The following CDH4 variants were observed in gnomAD, a reference collection of about 807,000 sequenced individuals.
The protein encoded by CDH4 is cadherin 4.
A neutral mutation model predicts 86.0 loss-of-function variants in CDH4; 33 were observed. That is an observed-to-expected ratio of 0.38 (90% CI 0.29 to 0.51). The LOEUF (loss-of-function observed/expected upper bound fraction) is 0.51, where lower values mean the gene tolerates loss of function less well. Among genes scored for constraint, CDH4 ranks in the 20% least tolerant of loss-of-function variants. The pLI, the probability that CDH4 is intolerant of heterozygous loss-of-function variation, is 0.86. For missense variants in CDH4, 1,114 were observed against 1,307.4 expected, an observed-to-expected ratio of 0.85 and a Z score of 2.28; for synonymous variants, 555 against 549.4, an observed-to-expected ratio of 1.01 and a Z score of -0.14.
chr20:61,347,218 C>T (rs1242889887), intron 2 of CDH4, among the ~76,000 whole-genome samples: 1 of 152,210 alleles, frequency 6.6e-6, no homozygotes, highest in Non-Finnish European at 1.5e-5. Context: ...AGGCCCTGCC[C>T]GCATTCAGAA....
chr20:61,860,040 G>T (rs546204587), intron 6 of CDH4, among the ~76,000 whole-genome samples: 2 of 152,392 alleles, frequency 1.3e-5, no homozygotes, highest in East Asian at 3.9e-4. Flanking sequence ...CAAGGACAGT[G>T]CCTGCCTCAT....
intron 7 of CDH4, among the ~76,000 whole-genome samples, chr20:61,886,916 G>A (rs908582170): frequency 6.6e-6 from 1 of 152,140 alleles, no homozygotes; most frequent in Non-Finnish European, 1.5e-5. Flanking sequence ...CCCCTTGCCC[G>A]CCTCACAGGA....
chr20:61,493,550 A>C lies in CDH4; in HGVS notation c.169+238613A>C, dbSNP rs372458444. Among the ~76,000 whole-genome samples the C allele has an allele frequency of 1.1e-4, 17 of 152,348 alleles. No individual in the cohort carries two copies. In the East Asian group the frequency reaches 1.2e-3, roughly 10 times the overall value. ...GCCATTCCGGCTCTTCTCCTTCACA[A>C]TGGCTGGTGGCTGCCAGTGAGATAA... On this transcript the variant is annotated intron_variant, in intron 2 of 15. Coordinates refer to ENST00000614565, the MANE Select transcript of CDH4 (RefSeq NM_001794.5).
intron 4 of CDH4, among the ~76,000 whole-genome samples, chr20:61,801,472 A>G (rs1332759989): frequency 6.6e-6 from 1 of 151,982 alleles, no homozygotes; most frequent in Non-Finnish European, 1.5e-5. Context: ...TTCAGTGGTC[A>G]CTCCCTGTCT....
intron 2 of CDH4, among the ~76,000 whole-genome samples, chr20:61,640,533 T>C (rs190618498): frequency 6.6e-6 from 1 of 152,160 alleles, no homozygotes; most frequent in Non-Finnish European, 1.5e-5. Context: ...GGGGAGGAGC[T>C]ATTGTCATGT....
rs1047918576 is a variant in CDH4, at chr20:61,392,801, G to GC, written c.169+137870dup. On this transcript the variant is annotated intron_variant, in intron 2 of 15. Coordinates refer to ENST00000614565, the MANE Select transcript of CDH4 (RefSeq NM_001794.5). This position sits in a 1 kb window ranked among gnomAD's most constrained non-coding sequence, Gnocchi z 5.7. ...ATTTCCTAGCGGGGTAGAAACACTG[G>GC]CCCCCCACGGTGCTCTAGAAATGTC... 1.3e-5 allele frequency among the ~76,000 whole-genome samples: 2 copies of GC among 152,070 alleles called. No individual in the cohort carries two copies. The highest frequency in any genetic ancestry group is 2.9e-5 in the Non-Finnish European group (2 of 68,008).
intron 2 of CDH4, among the ~76,000 whole-genome samples, chr20:61,706,547 A>T (rs2087832480): frequency 6.6e-6 from 1 of 152,178 alleles, no homozygotes; most frequent in Non-Finnish European, 1.5e-5. Flanking sequence ...GGAAGAACGG[A>T]TGGAAAGGCC....
chr20:61,794,515 C>T (rs565960418), intron 4 of CDH4, among the ~76,000 whole-genome samples: 1 of 152,302 alleles, frequency 6.6e-6, no homozygotes, highest in South Asian at 2.1e-4. Context: ...AAGTGGGTAG[C>T]AAAGGTGGCT....
At chr20:61,765,796 G>T (rs552714145) in intron 3 of CDH4, among the ~76,000 whole-genome samples, 1 of 152,068 alleles carries the variant, frequency 6.6e-6, no homozygotes, top group Admixed American at 6.5e-5. Context: ...GGGGGCAAGG[G>T]GACTGGCAGG....
At chr20:61,767,578 G>A (rs1219693893) in intron 3 of CDH4, among the ~76,000 whole-genome samples, 1 of 152,196 alleles carries the variant, frequency 6.6e-6, no homozygotes, top group African/African-American at 2.4e-5. Context: ...CACCTGGCGG[G>A]TGAGCTAAAA....
chr20:61,524,635 C>A (rs1309054095), intron 2 of CDH4, among the ~76,000 whole-genome samples: 11 of 152,098 alleles, frequency 7.2e-5, no homozygotes, highest in African/African-American at 2.4e-4. Flanking sequence ...CAGGCACATG[C>A]CACCAAGCCC....
intron 2 of CDH4, among the ~76,000 whole-genome samples, chr20:61,594,860 T>C (rs1040617164): frequency 2.6e-5 from 4 of 152,238 alleles, no homozygotes; most frequent in African/African-American, 9.6e-5. Context: ...ATGACATCAA[T>C]AGCTGATATT....
intron 4 of CDH4, among the ~76,000 whole-genome samples, chr20:61,792,987 G>GGC (rs1979290549): frequency 6.6e-6 from 1 of 151,154 alleles, no homozygotes; most frequent in African/African-American, 2.4e-5. Context: ...TTTTGAGACA[G>GGC]AGTTTCACTC....
intron 8 of CDH4, among the ~76,000 whole-genome samples, chr20:61,903,834 C>T (rs1356170309): frequency 6.6e-6 from 1 of 152,182 alleles, no homozygotes; most frequent in Admixed American, 6.5e-5. Flanking sequence ...ATATAATCCC[C>T]TCTGCCTCCT....
At chr20:61,835,999 C>T (rs566056932) in intron 4 of CDH4, among the ~76,000 whole-genome samples, 1 of 152,228 alleles carries the variant, frequency 6.6e-6, no homozygotes, top group African/African-American at 2.4e-5. Context: ...AGGGGAAGGC[C>T]GGCCGGTTGG....
In CDH4 at chr20:61,414,053, C is replaced by T. The variant is rs114641037; in HGVS notation, c.169+159116C>T. Among the ~76,000 whole-genome samples, 767 of 152,340 alleles carry T rather than the reference C, an allele frequency of 5.0e-3. 8 individuals are homozygous for T. Among genetic ancestry groups the T allele is most frequent in the African/African-American group, 0.017 (688 of 41,580 alleles). On this transcript the variant is annotated intron_variant, in intron 2 of 15. Coordinates refer to ENST00000614565, the MANE Select transcript of CDH4 (RefSeq NM_001794.5). Reference sequence around the variant, plus strand: ...TCTGTGTGTGTCACTGTCCAAATTTCCTCTCCTTAAGAGGACATCAGTCCC... The same window carrying T: ...TCTGTGTGTGTCACTGTCCAAATTTTCTCTCCTTAAGAGGACATCAGTCCC...
In CDH4 at chr20:61,934,208, C is replaced by CTTCATCAATGAGGTG; in HGVS notation, c.2534_2544+4dup. 1 of 1,565,326 alleles carries CTTCATCAATGAGGTG rather than the reference C, an allele frequency of 6.4e-7. No homozygotes were observed. Among genetic ancestry groups the CTTCATCAATGAGGTG allele is most frequent in the Non-Finnish European group, 8.7e-7 (1 of 1,151,036 alleles). The stretch of plus-strand genomic sequence containing the variant: ...TGCCGCACCCAGGCGACATCGGTGA[C>CTTCATCAATGAGGTG]TTCATCAATGAGGTGTGTGCCTCTC... On this transcript the variant is annotated inframe_insertion, in exon 15 of 16. Transcript: ENST00000614565.
At chr20:61,464,817 C>T (rs956061729) in intron 2 of CDH4, among the ~76,000 whole-genome samples, 2 of 152,168 alleles carry the variant, frequency 1.3e-5, no homozygotes, top group African/African-American at 4.8e-5. Context: ...GGACAGGGCT[C>T]GCCATCCACT....
intron 2 of CDH4, among the ~76,000 whole-genome samples, chr20:61,652,128 G>A (rs1192499543): frequency 6.6e-6 from 1 of 152,194 alleles, no homozygotes; most frequent in African/African-American, 2.4e-5. Context: ...ACGTGCCAGC[G>A]CTTTTAATGT....
Sources: gnomAD v4.1 joint callset for allele counts (sites outside exome capture counted in the v4.1 genomes callset) on GRCh38, gnomAD v4.1.1 for gene constraint, Gnocchi (gnomAD v3.1) non-coding constraint, MANE v1.5 for transcripts, NCBI Gene and HGNC (gene_info 2026-07-23, HGNC 2026-07-21) for gene names.